Variants in ACSM5 observed in about 807,000 individuals in gnomAD.
ACSM5 encodes acyl-CoA synthetase medium chain family member 5, also known as acyl-coenzyme A synthetase ACSM5, mitochondrial.
Under a neutral mutation model 71.6 loss-of-function variants are expected in ACSM5, and 56 were observed. The observed-to-expected ratio is 0.78, with a 90% CI of 0.63 to 0.98. The LOEUF (loss-of-function observed/expected upper bound fraction) is 0.98. Ranked by LOEUF, ACSM5 falls within the 50% of genes least tolerant of loss-of-function variation. ACSM5 has a pLI of 0.00. For missense variants in ACSM5, 723 were observed against 726.0 expected (o/e 1.00, Z 0.05); for synonymous variants, 285 against 281.5 (o/e 1.01, Z -0.12).
intron 10 of ACSM5, among the ~76,000 whole-genome samples, chr16:20,434,343 T>C: frequency 6.6e-6 from 1 of 152,210 alleles, no homozygotes; most frequent in Non-Finnish European, 1.5e-5. Context: ...AAAGCCAATT[T>C]GTTGAATAAA....
intron 4 of ACSM5, among the ~76,000 whole-genome samples, chr16:20,420,334 C>T (rs1465997757): frequency 6.6e-6 from 1 of 152,212 alleles, no homozygotes; most frequent in African/African-American, 2.4e-5. Flanking sequence ...GGCGCCATGG[C>T]TCACGCCTGT....
chr16:20,430,248 TA>T (rs1202740059), intron 8 of ACSM5, among the ~76,000 whole-genome samples: 1 of 147,622 alleles, frequency 6.8e-6, no homozygotes, highest in African/African-American at 2.5e-5. Context: ...ACTTATAAAT[TA>T]AAAAAAGGTA....
At chr16:20,423,695 C>T (rs1271176063) in intron 5 of ACSM5, among the ~76,000 whole-genome samples, 1 of 152,194 alleles carries the variant, frequency 6.6e-6, no homozygotes, top group Non-Finnish European at 1.5e-5. Flanking sequence ...GGACTGTGAA[C>T]TTTCTGGAAA....
chr16:20,436,359 C>T (rs570835428), intron 10 of ACSM5, among the ~76,000 whole-genome samples: 146 of 151,136 alleles, frequency 9.7e-4, no homozygotes, highest in African/African-American at 3.4e-3. Flanking sequence ...CAATCTCATC[C>T]TGTAGCCCAG....
chr16:20,410,296 C>T (rs916849210), intron 1 of ACSM5, among the ~76,000 whole-genome samples: 1 of 152,126 alleles, frequency 6.6e-6, no homozygotes, highest in Non-Finnish European at 1.5e-5. Flanking sequence ...TGAGGTCACA[C>T]GCAGCTCCCG....
At chr16:20,425,481 A>G (rs186933235) in intron 6 of ACSM5, among the ~76,000 whole-genome samples, 3 of 152,178 alleles carry the variant, frequency 2.0e-5, no homozygotes, top group African/African-American at 7.2e-5. Context: ...GTTTGATTAC[A>G]TGAGTAAGTT....
chr16:20,421,249 G>A lies in ACSM5; in HGVS notation c.624-9G>A, dbSNP rs568133931. On this transcript the variant is annotated splice_polypyrimidine_tract_variant and intron_variant, in intron 4 of 13. Coordinates refer to ENST00000331849, the MANE Select transcript of ACSM5 (RefSeq NM_017888.3). ...TGGTAGTGCCACCTAGTGTATTTAC[G>A]TTTTACAGGGAGGCTTCTACAGAGC... 1.2e-4 allele frequency: 188 copies of A among 1,554,582 alleles called. 2 individuals are homozygous for A. The South Asian group carries it at 1.9e-3, about 15-fold the overall frequency.
intron 10 of ACSM5, among the ~76,000 whole-genome samples, chr16:20,431,568 G>T (rs1271874181): frequency 6.7e-6 from 1 of 150,314 alleles, no homozygotes; most frequent in East Asian, 1.9e-4. Flanking sequence ...AAATGTGGGT[G>T]TGTCTGAAAG....
intron 1 of ACSM5, 69 bp from the exon 2 acceptor site, chr16:20,411,401 C>T (rs2141636933): frequency 3.7e-6 from 5 of 1,333,910 alleles, no homozygotes; most frequent in African/African-American, 2.9e-5. Flanking sequence ...ACAGGTTTCT[C>T]CTAACCTATG....
chr16:20,416,509 A>G (rs1966856619), intron 2 of ACSM5, among the ~76,000 whole-genome samples: 1 of 152,214 alleles, frequency 6.6e-6, no homozygotes, highest in Non-Finnish European at 1.5e-5. Flanking sequence ...TGATGCTGGC[A>G]CAACTGTGTG....
At chr16:20,428,328 C>A (rs896794268) in intron 7 of ACSM5, among the ~76,000 whole-genome samples, 1 of 152,188 alleles carries the variant, frequency 6.6e-6, no homozygotes, top group Non-Finnish European at 1.5e-5. Flanking sequence ...AAGCCCGCAC[C>A]GCAGTAGATG....
intron 10 of ACSM5, among the ~76,000 whole-genome samples, chr16:20,432,297 G>A (rs1431046448): frequency 6.6e-6 from 1 of 151,892 alleles, no homozygotes; most frequent in African/African-American, 2.4e-5. Flanking sequence ...CAGGCGATTC[G>A]AATGTCAAGC....
intron 5 of ACSM5, among the ~76,000 whole-genome samples, 163 bp from the exon 6 acceptor site, chr16:20,423,753 A>G (rs1056187211): frequency 5.9e-5 from 9 of 152,222 alleles, no homozygotes; most frequent in Non-Finnish European, 1.2e-4. Flanking sequence ...TACATGGAAG[A>G]TGCTGGTTGA....
rs1238896364 is a variant in ACSM5, at chr16:20,441,322, A to G, written c.*895A>G. 6.6e-6 allele frequency: 1 copy of G among 152,244 alleles called. No individual in the cohort carries two copies. Among genetic ancestry groups the G allele is most frequent in the Non-Finnish European group, 1.5e-5 (1 of 68,054 alleles). The allele number at this position is 152,244 out of a possible 1,614,324, so 9.4% of individuals were successfully genotyped here. On this transcript the variant is annotated 3_prime_UTR_variant, in exon 14 of 14. Coordinates refer to ENST00000331849, the MANE Select transcript of ACSM5 (RefSeq NM_017888.3). ...ATACAACTATTTTAATGAAAAAGTTATGTTAAAGAAAGCACACTCTGCTTC... is the reference window on the plus strand; with the variant it reads ...ATACAACTATTTTAATGAAAAAGTTGTGTTAAAGAAAGCACACTCTGCTTC...
intron 10 of ACSM5, among the ~76,000 whole-genome samples, chr16:20,435,640 T>A (rs566936096): frequency 7.9e-5 from 12 of 152,188 alleles, no homozygotes; most frequent in Non-Finnish European, 1.8e-4. Flanking sequence ...GACCCAGCGA[T>A]TGATACATTG....
At chr16:20,415,568 A>G (rs1296744798) in intron 2 of ACSM5, among the ~76,000 whole-genome samples, 2 of 152,188 alleles carry the variant, frequency 1.3e-5, no homozygotes, top group East Asian at 3.8e-4. Context: ...AATATAGAAG[A>G]AGGCTGTTGG....
At chr16:20,432,644 C>T (rs1313407689) in intron 10 of ACSM5, among the ~76,000 whole-genome samples, 1 of 152,024 alleles carries the variant, frequency 6.6e-6, no homozygotes, top group East Asian at 1.9e-4. Context: ...TCGTGCCGCT[C>T]GGTGTGGAGC....
chr16:20,436,463 C>A (rs1967202354), intron 10 of ACSM5, among the ~76,000 whole-genome samples: 1 of 152,054 alleles, frequency 6.6e-6, no homozygotes. Flanking sequence ...CTCTGCCTCC[C>A]AGGTTTAAGC....
Position 20,418,147 on chromosome 16 carries a change from A to C in ACSM5, c.293A>C (p.Gln98Pro). The change falls in exon 3 of 14, where the codon CAG (glutamine) becomes CCG (proline). Residue 98 changes from glutamine to proline, a missense_variant. By Grantham distance (76) the Gln-to-Pro change is moderately conservative. Transcript: ENST00000331849. ...TGGAGCTTTGAGGAGCTGGGGAAGC[A>C]GTCCAGGAAGGCAGCCAATGTGCTG... ...IKWSFEELGK[Q>P]SRKAANVLGG... 6.2e-7 allele frequency: 1 copy of C among 1,613,700 alleles called. No individual in the cohort carries two copies. The highest frequency in any genetic ancestry group is 1.1e-5 in the South Asian group (1 of 91,060).
Sources: gnomAD v4.1 joint callset for allele counts (sites outside exome capture counted in the v4.1 genomes callset) on GRCh38, gnomAD v4.1.1 for gene constraint, MANE v1.5 for transcripts, NCBI Gene and HGNC (gene_info 2026-07-23, HGNC 2026-07-21) for gene names.